ZFYVE19: variants seen among roughly 807,000 people sequenced by gnomAD.
The protein encoded by ZFYVE19 is zinc finger FYVE-type containing 19, also known as abscission/NoCut checkpoint regulator.
ZFYVE19 carries 49 observed loss-of-function variants against 62.8 expected under a neutral mutation model. The ratio of observed to expected loss-of-function variants is 0.78; its 90% CI spans 0.62 to 0.99. ZFYVE19 has a LOEUF of 0.99. ZFYVE19 is among the 50% of genes least tolerant of loss of function. The pLI is 0.00. For missense variants in ZFYVE19, 630 were observed against 601.9 expected, an observed-to-expected ratio of 1.05 and a Z score of -0.49; for synonymous variants, 242 against 234.3, an observed-to-expected ratio of 1.03 and a Z score of -0.30.
In ZFYVE19 at chr15:40,807,838, C is replaced by T; in HGVS notation, c.249C>T (p.Cys83=). Residue 83 remains cysteine (C), a synonymous_variant, in exon 1 of 11, where the codon TGC becomes TGT. Transcript: ENST00000355341. ...CCATGGAGAGTAGGTGCTACGGCTG[C>T]GCTGTCAAGTTCACCCTCTTCAAGA... ...GATMESRCYG[C]AVKFTLFKKE... is the part of the protein sequence containing the mutation. 1.3e-6 allele frequency: 2 copies of T among 1,535,738 alleles called. No homozygotes were observed. The highest frequency in any genetic ancestry group is 1.7e-6 in the Non-Finnish European group (2 of 1,148,550).
intron 9 of ZFYVE19, 66 bp downstream of exon 9, chr15:40,813,877 C>A: frequency 6.3e-7 from 1 of 1,593,750 alleles, no homozygotes; most frequent in Non-Finnish European, 8.6e-7. Flanking sequence ...TGGCTGACTG[C>A]TCCTGCAGCA....
rs1415461331 is a variant in ZFYVE19 at position 40,809,949 on chromosome 15, C to G, written c.550C>G (p.Leu184Val). 6.2e-7 allele frequency: 1 copy of G among 1,614,250 alleles called. No homozygotes were observed. Among genetic ancestry groups the G allele is most frequent in the Admixed American group, 1.7e-5 (1 of 60,030 alleles). The change falls in exon 4 of 11, where the codon CTC becomes GTC. Residue 184 changes from leucine to valine, a missense_variant. Physicochemically the swap from Leu to Val is conservative, Grantham distance 32. Transcript: ENST00000355341. Reference protein sequence around the residue: ...DQMIAERLARLRQENKPKLVP... With the variant: ...DQMIAERLARVRQENKPKLVP... ...GATGATTGCTGAGCGCCTAGCACGA[C>G]TCCGCCAGGAGAACAAGCCCAGTGA...
At position 40,814,319 on chromosome 15, in the gene ZFYVE19, G is replaced by GACAA; in HGVS notation, c.*93_*94insACAA. Reference sequence around the variant, plus strand: ...GGACGTCCGATGGGAGAGCTTGTCTGGCTCTACTGATGATGGATAGGCCCC... The same window carrying GACAA: ...GGACGTCCGATGGGAGAGCTTGTCTGACAAGCTCTACTGATGATGGATAGGCCCC... On this transcript the variant is annotated 3_prime_UTR_variant, in exon 11 of 11. Coordinates refer to ENST00000355341, the MANE Select transcript of ZFYVE19 (RefSeq NM_001077268.2). 1 of 1,411,592 alleles carries GACAA rather than the reference G, an allele frequency of 7.1e-7. No homozygotes were observed. Among genetic ancestry groups the GACAA allele is most frequent in the Non-Finnish European group, 9.8e-7 (1 of 1,021,574 alleles). 87.4% of individuals were successfully genotyped at this position (1,411,592 alleles called of 1,614,324 possible).
chr15:40,814,473 A>G lies in ZFYVE19; in HGVS notation c.*247A>G. ...GTGAGAGGCATGATGGGGAGAGACC[A>G]GACTGAATCTACGGGTGAGCCCTGT... On this transcript the variant is annotated 3_prime_UTR_variant, in exon 11 of 11. Coordinates refer to ENST00000355341, the MANE Select transcript of ZFYVE19 (RefSeq NM_001077268.2). 1.8e-6 allele frequency: 1 copy of G among 560,556 alleles called. No individual in the cohort carries two copies. The highest frequency in any genetic ancestry group is 3.2e-6 in the Non-Finnish European group (1 of 314,360). 34.7% of individuals were successfully genotyped at this position (560,556 alleles called of 1,614,324 possible). A position where few individuals can be genotyped will look rare whatever the true frequency, so the allele number is the denominator to read the frequency against.
Position 40,813,454 on chromosome 15 carries a change from G to A in ZFYVE19, c.1110+37G>A, listed in dbSNP as rs201369831. On this transcript the variant is annotated intron_variant, in intron 8 of 10. Transcript: ENST00000355341. ...TTACCCACCTGCCACCCCTTGTCCC[G>A]TCTCCGCCTCATTGCCCCACCTCTA... 52 of 1,559,834 alleles carry A rather than the reference G, an allele frequency of 3.3e-5. No individual in the cohort carries two copies. In the East Asian group the frequency reaches 5.5e-4, roughly 16 times the overall value.
chr15:40,812,945 A>AG lies in ZFYVE19; in HGVS notation c.1030+45dup, dbSNP rs769078358. On this transcript the variant is annotated intron_variant, in intron 7 of 10. Coordinates refer to ENST00000355341, the MANE Select transcript of ZFYVE19 (RefSeq NM_001077268.2). The stretch of plus-strand genomic sequence containing the variant: ...GCTGCTCACTGGTATCCCTTGGTCA[A>AG]GGCCTCCCTGGCAGGGCTGAGTCAG... 3.3e-5 allele frequency: 52 copies of AG among 1,598,622 alleles called. No individual in the cohort carries two copies. The East Asian group carries it at 1.0e-3, about 32-fold the overall frequency.
At position 40,809,230 on chromosome 15, in the gene ZFYVE19, G is replaced by C. The variant is rs1455215532; in HGVS notation, c.391G>C (p.Val131Leu). 6.2e-7 allele frequency: 1 copy of C among 1,614,080 alleles called. No homozygotes were observed. The highest frequency in any genetic ancestry group is 8.5e-7 in the Non-Finnish European group (1 of 1,180,040). Reference protein sequence around the residue: ...QQKVCKQCHEVLTRGSSANAS... With the variant: ...QQKVCKQCHELLTRGSSANAS... ...GAAAGTCTGCAAGCAATGCCATGAG[G>C]TCCTGACCAGGTAAGAGGCAGGCAT... The change falls in exon 2 of 11, where the codon GTC (valine) becomes CTC (leucine). Residue 131 changes from valine to leucine, a missense_variant. Coordinates refer to ENST00000355341, the MANE Select transcript of ZFYVE19 (RefSeq NM_001077268.2).
chr15:40,810,682 C>T lies in ZFYVE19; in HGVS notation c.751C>T (p.Gln251Ter). 1.3e-6 allele frequency: 2 copies of T among 1,576,372 alleles called. No individual in the cohort carries two copies. The highest frequency in any genetic ancestry group is 1.7e-6 in the Non-Finnish European group (2 of 1,160,910). ...CACACCGGACACCAGGACCCAAGCC[C>T]AGCAGACACAGGATCTGCTAACGCA... ...HHTPDTRTQA[Q>*]QTQDLLTQLA... is the part of the protein sequence containing the mutation. The change falls in exon 6 of 11, where the codon CAG (glutamine) becomes TAG (stop). Residue 251 changes from glutamine (Q) to a stop codon, truncating the protein, a stop_gained. Coordinates refer to ENST00000355341, the MANE Select transcript of ZFYVE19 (RefSeq NM_001077268.2). LOFTEE classifies it high-confidence loss of function.
chr15:40,813,399 C>T lies in ZFYVE19; in HGVS notation c.1092C>T (p.Ile364=), dbSNP rs761178011. 1.2e-6 allele frequency: 2 copies of T among 1,608,656 alleles called. No homozygotes were observed. Among genetic ancestry groups the T allele is most frequent in the African/African-American group, 1.3e-5 (1 of 74,760 alleles). Residue 364 remains isoleucine, a synonymous_variant, in exon 8 of 11, where the codon ATC becomes ATT. Transcript: ENST00000355341. The part of the protein sequence containing the change: ...SDDDEDEETA[I]QRVLQQLTEE... ...ACGACGAGGATGAGGAGACAGCCAT[C>T]CAAAGAGTCCTGCAGCAGGTGGGCC... is the stretch of plus-strand genomic sequence containing the variant.
chr15:40,811,879 G>A (rs1004723057), intron 6 of ZFYVE19, among the ~76,000 whole-genome samples: 1 of 152,214 alleles, frequency 6.6e-6, no homozygotes, highest in African/African-American at 2.4e-5. Context: ...AACTGAAGGT[G>A]ACTGTGTCAG....
rs1285973721 is a variant in ZFYVE19 at position 40,813,732 on chromosome 15, T to C, written c.1130T>C (p.Leu377Pro). Reference protein sequence around the residue: ...VLQQLTEEASLDEASGFNIPA... With the variant: ...VLQQLTEEASPDEASGFNIPA... ...CCGCAGCTCACTGAAGAAGCTTCCCTGGATGAGGCAAGTGGCTTTAACATC... is the reference window on the plus strand; with the variant it reads ...CCGCAGCTCACTGAAGAAGCTTCCCCGGATGAGGCAAGTGGCTTTAACATC... Residue 377 changes from leucine to proline, a missense_variant, in exon 9 of 11, where the codon CTG becomes CCG. By Grantham distance (98) the Leu-to-Pro change is moderately conservative (BLOSUM62 -3). Coordinates refer to ENST00000355341, the MANE Select transcript of ZFYVE19 (RefSeq NM_001077268.2). The C allele has an allele frequency of 6.2e-7, 1 of 1,613,882 alleles. No individual in the cohort carries two copies. The highest frequency in any genetic ancestry group is 8.5e-7 in the Non-Finnish European group (1 of 1,179,980).
chr15:40,810,691 C>G lies in ZFYVE19; in HGVS notation c.760C>G (p.Gln254Glu). Residue 254 changes from glutamine to glutamate, a missense_variant, in exon 6 of 11, where the codon CAG becomes GAG. By Grantham distance (29) the Gln-to-Glu change is conservative. Transcript: ENST00000355341. Reference protein sequence around the residue: ...PDTRTQAQQTQDLLTQLAAEV... With the variant: ...PDTRTQAQQTEDLLTQLAAEV... ...CACCAGGACCCAAGCCCAGCAGACACAGGATCTGCTAACGCAGCTGGCAGC... is the reference window on the plus strand; with the variant it reads ...CACCAGGACCCAAGCCCAGCAGACAGAGGATCTGCTAACGCAGCTGGCAGC... 6.3e-7 allele frequency: 1 copy of G among 1,577,910 alleles called. No homozygotes were observed. The highest frequency in any genetic ancestry group is 8.6e-7 in the Non-Finnish European group (1 of 1,161,752).
chr15:40,810,785 A>G, intron 6 of ZFYVE19, 28 bp downstream of exon 6: 3 of 1,551,352 alleles, frequency 1.9e-6, no homozygotes, highest in Non-Finnish European at 2.6e-6. Context: ...CTCCCTAGGA[A>G]TCTGCCCTAC....
At position 40,813,437 on chromosome 15, in the gene ZFYVE19, C is replaced by A. The variant is rs1188413537; in HGVS notation, c.1110+20C>A. 1.3e-6 allele frequency: 2 copies of A among 1,584,484 alleles called. No individual in the cohort carries two copies. The highest frequency in any genetic ancestry group is 4.7e-5 in the East Asian group (2 of 42,968). ...CAGCAGGTGGGCCTGGATTACCCAC[C>A]TGCCACCCCTTGTCCCGTCTCCGCC... is the stretch of plus-strand genomic sequence containing the variant. On this transcript the variant is annotated intron_variant, in intron 8 of 10. Coordinates refer to ENST00000355341, the MANE Select transcript of ZFYVE19 (RefSeq NM_001077268.2).
In ZFYVE19 at chr15:40,810,762, C is replaced by T; in HGVS notation, c.826+5C>T. Reference sequence around the variant, plus strand: ...GCTGGAAAGGAGGAGGCCCAGGTAACCCCTCCACTTGGCTCCCTAGGAATC... The same window carrying T: ...GCTGGAAAGGAGGAGGCCCAGGTAATCCCTCCACTTGGCTCCCTAGGAATC... On this transcript the variant is annotated splice_donor_5th_base_variant and intron_variant, in intron 6 of 10. Transcript: ENST00000355341. The T allele has an allele frequency of 6.4e-7, 1 of 1,555,770 alleles. No individual in the cohort carries two copies. Among genetic ancestry groups the T allele is most frequent in the Non-Finnish European group, 8.7e-7 (1 of 1,149,154 alleles).
chr15:40,810,286 T>C, intron 5 of ZFYVE19, 70 bp downstream of exon 5: 1 of 1,565,042 alleles, frequency 6.4e-7, no homozygotes, highest in Non-Finnish European at 8.6e-7. Flanking sequence ...CAGATACAGG[T>C]ATTGGGGTGA....
In ZFYVE19 at chr15:40,807,336, C is replaced by T; in HGVS notation, c.-254C>T. On this transcript the variant is annotated 5_prime_UTR_variant, in exon 1 of 11. Transcript: ENST00000355341. ...TAGGACAGGAAGGACCGCCAGACCT[C>T]TCAAGATCAGCCTTCCTCGCCACCG... 6.2e-7 allele frequency: 1 copy of T among 1,614,298 alleles called. No individual in the cohort carries two copies. Among genetic ancestry groups the T allele is most frequent in the Non-Finnish European group, 8.5e-7 (1 of 1,180,058 alleles).
At chr15:40,813,599 C>T in intron 8 of ZFYVE19, 114 bp from the exon 9 acceptor site, 1 of 1,206,178 alleles carries the variant, frequency 8.3e-7, no homozygotes, top group Non-Finnish European at 1.2e-6. Flanking sequence ...CCACAGGCCA[C>T]AAGTAAAGAA....
chr15:40,808,702 G>C (rs1890365995), intron 1 of ZFYVE19: 2 of 312,144 alleles, frequency 6.4e-6, no homozygotes, highest in South Asian at 7.4e-5. Flanking sequence ...CATAGTAAGT[G>C]CTTAATAAAT....
Sources: gnomAD v4.1 joint callset for allele counts (sites outside exome capture counted in the v4.1 genomes callset) on GRCh38, gnomAD v4.1.1 for gene constraint, MANE v1.5 for transcripts, NCBI Gene and HGNC (gene_info 2026-07-23, HGNC 2026-07-21) for gene names.